DCDC2C: variants seen among roughly 807,000 people sequenced by gnomAD.
The protein encoded by DCDC2C is doublecortin domain-containing protein 2C.
Under a neutral mutation model 45.0 loss-of-function variants are expected in DCDC2C, and 44 were observed. That is an observed-to-expected ratio of 0.98 (90% CI 0.77 to 1.26). The LOEUF (loss-of-function observed/expected upper bound fraction) is 1.26. DCDC2C is among the 50% of genes most tolerant of loss of function. The pLI, the probability that DCDC2C is intolerant of heterozygous loss-of-function variation, is 0.00. For missense variants in DCDC2C, 447 were observed against 468.9 expected (o/e 0.95, Z 0.43); for synonymous variants, 187 against 178.8 (o/e 1.05, Z -0.37).
intron 8 of DCDC2C, among the ~76,000 whole-genome samples, chr2:3,772,240 G>A (rs1041350114): frequency 2.6e-5 from 4 of 152,128 alleles, no homozygotes; most frequent in Non-Finnish European, 5.9e-5. Flanking sequence ...CACAGCATCC[G>A]AGCATCCATG....
At chr2:3,832,823 C>T (rs2148236458) in intron 10 of DCDC2C, among the ~76,000 whole-genome samples, 1 of 152,352 alleles carries the variant, frequency 6.6e-6, no homozygotes, top group South Asian at 2.1e-4. Flanking sequence ...CTATACTGCA[C>T]TTCCCCAGAG....
chr2:3,798,437 C>T (rs1671021344), intron 10 of DCDC2C, among the ~76,000 whole-genome samples: 2 of 150,914 alleles, frequency 1.3e-5, no homozygotes, highest in East Asian at 1.9e-4. Flanking sequence ...TTATTTTGCT[C>T]GTTAGTTGAT....
chr2:3,825,114 A>C (rs1302028644), intron 10 of DCDC2C, among the ~76,000 whole-genome samples: 1 of 152,164 alleles, frequency 6.6e-6, no homozygotes, highest in Non-Finnish European at 1.5e-5. Context: ...GCTCCTTTCC[A>C]GCCTTGCATC....
chr2:3,791,587 A>G (rs1670812022), intron 10 of DCDC2C, among the ~76,000 whole-genome samples: 1 of 152,132 alleles, frequency 6.6e-6, no homozygotes, highest in South Asian at 2.1e-4. Flanking sequence ...AAGCTTCCCT[A>G]CTTTCCTCCT....
chr2:3,724,517 C>G (rs942853550), intron 2 of DCDC2C, among the ~76,000 whole-genome samples: 7 of 152,216 alleles, frequency 4.6e-5, no homozygotes, highest in African/African-American at 1.7e-4. Context: ...AGGTATGCAG[C>G]TCCTTCTCTC....
At chr2:3,735,097 A>C (rs893634015) in intron 3 of DCDC2C, among the ~76,000 whole-genome samples, 3 of 152,118 alleles carry the variant, frequency 2.0e-5, no homozygotes, top group African/African-American at 7.2e-5. Context: ...TTTTTCTGTG[A>C]CCAAGATATC....
chr2:3,724,872 G>A (rs1444637611), intron 2 of DCDC2C, among the ~76,000 whole-genome samples: 2 of 152,270 alleles, frequency 1.3e-5, no homozygotes, highest in East Asian at 1.9e-4. Context: ...TGAGTCCCAG[G>A]GCAGAGCTGG....
intron 8 of DCDC2C, among the ~76,000 whole-genome samples, chr2:3,773,500 G>A (rs756588364): frequency 5.3e-5 from 8 of 152,004 alleles, no homozygotes; most frequent in Non-Finnish European, 1.0e-4. Context: ...CTAAAGTCTC[G>A]AATCATTTTG....
chr2:3,809,434 T>C (rs542871422), intron 10 of DCDC2C, among the ~76,000 whole-genome samples: 1 of 152,348 alleles, frequency 6.6e-6, no homozygotes, highest in African/African-American at 2.4e-5. Flanking sequence ...TTTAGTATCC[T>C]GACCTTTTCT....
At chr2:3,812,832 A>G (rs947635586) in intron 10 of DCDC2C, among the ~76,000 whole-genome samples, 2 of 151,902 alleles carry the variant, frequency 1.3e-5, no homozygotes, top group Admixed American at 6.6e-5. Flanking sequence ...CAATTTCATT[A>G]TTTGCCCAGG....
intron 2 of DCDC2C, among the ~76,000 whole-genome samples, chr2:3,712,410 A>G (rs1312466767): frequency 6.6e-6 from 1 of 151,892 alleles, no homozygotes; most frequent in African/African-American, 2.4e-5. Flanking sequence ...TCACACCTGT[A>G]ATCCCAGCAC....
chr2:3,826,427 A>G (rs1245369046), intron 10 of DCDC2C, among the ~76,000 whole-genome samples: 11 of 152,252 alleles, frequency 7.2e-5, no homozygotes, highest in Non-Finnish European at 1.6e-4. Context: ...ATATCACAGT[A>G]TTAATTGATA....
chr2:3,742,078 A>AG (rs1669232517), intron 4 of DCDC2C, 30 bp downstream of exon 4: 2 of 1,493,916 alleles, frequency 1.3e-6, no homozygotes, highest in African/African-American at 1.4e-5. Flanking sequence ...TAGGACAGCC[A>AG]GGGGGCGGCA....
intron 3 of DCDC2C, among the ~76,000 whole-genome samples, chr2:3,741,549 G>A (rs1669206516): frequency 1.3e-5 from 2 of 152,218 alleles, no homozygotes; most frequent in African/African-American, 2.4e-5. Flanking sequence ...CTGAAAAAGC[G>A]AGCCACACCC....
chr2:3,804,232 A>G (rs1386923440), intron 10 of DCDC2C, among the ~76,000 whole-genome samples: 2 of 152,230 alleles, frequency 1.3e-5, no homozygotes, highest in Non-Finnish European at 2.9e-5. Flanking sequence ...CATTTGCAGG[A>G]AGTTTAAAAC....
intron 10 of DCDC2C, among the ~76,000 whole-genome samples, chr2:3,791,697 C>T (rs1001226037): frequency 1.3e-5 from 2 of 152,204 alleles, no homozygotes; most frequent in Non-Finnish European, 2.9e-5. Context: ...GACCCTCACA[C>T]CTCTCCAGCA....
intron 6 of DCDC2C, among the ~76,000 whole-genome samples, chr2:3,759,741 G>A (rs936534376): frequency 2.0e-5 from 3 of 152,168 alleles, no homozygotes; most frequent in Non-Finnish European, 2.9e-5. Context: ...AAGTATTTTC[G>A]ATGTCAAGTC....
intron 10 of DCDC2C, among the ~76,000 whole-genome samples, chr2:3,802,028 T>G (rs1364231986): frequency 2.6e-5 from 4 of 152,248 alleles, no homozygotes; most frequent in Non-Finnish European, 5.9e-5. Context: ...ATGGAAATGC[T>G]ATGTGAGATC....
intron 4 of DCDC2C, among the ~76,000 whole-genome samples, chr2:3,745,987 ATG>A (rs1199149616): frequency 6.6e-6 from 1 of 152,116 alleles, no homozygotes; most frequent in Non-Finnish European, 1.5e-5. Flanking sequence ...TTTTGGAATA[ATG>A]TATCCAAATA....
Sources: allele counts gnomAD v4.1 joint callset (sites outside exome capture counted in the v4.1 genomes callset), GRCh38; gene constraint gnomAD v4.1.1; transcripts MANE v1.5; gene names NCBI Gene and HGNC (gene_info 2026-07-23, HGNC 2026-07-21).